The following RAB3C variants were observed in gnomAD, a reference collection of about 807,000 sequenced individuals.
The protein encoded by RAB3C is ras-related protein Rab-3C.
RAB3C carries 17 observed loss-of-function variants against 26.4 expected under a neutral mutation model. The observed-to-expected ratio is 0.64, with a 90% confidence interval of 0.44 to 0.97. The LOEUF (loss-of-function observed/expected upper bound fraction) is 0.97, where lower values mean the gene tolerates loss of function less well. RAB3C is among the 50% of genes least tolerant of loss of function. The probability of loss-of-function intolerance (pLI) is 0.00; values close to 1 mark genes in which losing one functional copy is unlikely to be tolerated. For missense variants in RAB3C, 242 were observed against 281.9 expected, an observed-to-expected ratio of 0.86 and a Z score of 1.01; for synonymous variants, 91 against 95.9, an observed-to-expected ratio of 0.95 and a Z score of 0.30.
intron 3 of RAB3C, among the ~76,000 whole-genome samples, chr5:58,798,330 A>G (rs909360069): frequency 6.6e-6 from 1 of 152,188 alleles, no homozygotes; most frequent in Non-Finnish European, 1.5e-5. Context: ...TTTACAATAG[A>G]AAAATCTAGC....
intron 2 of RAB3C, among the ~76,000 whole-genome samples, chr5:58,700,100 G>A (rs770155155): frequency 7.2e-5 from 11 of 152,120 alleles, no homozygotes; most frequent in East Asian, 1.9e-4. Flanking sequence ...ATCTTGGAAC[G>A]CCCCCAATCT....
chr5:58,685,630 G>T (rs192605523), intron 2 of RAB3C, among the ~76,000 whole-genome samples: 9 of 152,216 alleles, frequency 5.9e-5, no homozygotes, highest in Admixed American at 2.0e-4. Context: ...TTCTCTGAGA[G>T]AACTGGCTCA....
intron 2 of RAB3C, among the ~76,000 whole-genome samples, chr5:58,723,707 G>A (rs145737237): frequency 3.2e-4 from 48 of 151,852 alleles, no homozygotes; most frequent in African/African-American, 1.0e-3. Flanking sequence ...ATGGTAAAGG[G>A]AGCTGTTTCT....
chr5:58,801,489 A>T (rs540840597), intron 3 of RAB3C, among the ~76,000 whole-genome samples: 128 of 152,318 alleles, frequency 8.4e-4, no homozygotes, highest in African/African-American at 3.0e-3. Context: ...CCAGCCAATC[A>T]CTAAAGACTA....
intron 2 of RAB3C, among the ~76,000 whole-genome samples, chr5:58,697,646 C>T (rs1025153629): frequency 6.6e-6 from 1 of 152,180 alleles, no homozygotes; most frequent in Non-Finnish European, 1.5e-5. Flanking sequence ...GTTAGCTCTT[C>T]TTGTTGAATT....
At chr5:58,651,276 G>T (rs1456868691) in intron 2 of RAB3C, among the ~76,000 whole-genome samples, 1 of 152,134 alleles carries the variant, frequency 6.6e-6, no homozygotes. Context: ...GACTGACACT[G>T]AGTGTATTTT....
intron 3 of RAB3C, among the ~76,000 whole-genome samples, chr5:58,759,347 T>A (rs909727837): frequency 1.3e-5 from 2 of 152,120 alleles, no homozygotes; most frequent in Non-Finnish European, 2.9e-5. Context: ...CCCAAGCTGT[T>A]CCCTGCATCC....
At chr5:58,758,856 C>G (rs1183929209) in intron 3 of RAB3C, among the ~76,000 whole-genome samples, 1 of 145,226 alleles carries the variant, frequency 6.9e-6, no homozygotes, top group Non-Finnish European at 1.5e-5. Context: ...GTTCCTTGGA[C>G]TTTTTTTTTT....
At chr5:58,620,167 A>G (rs1746906204) in intron 2 of RAB3C, among the ~76,000 whole-genome samples, 2 of 151,844 alleles carry the variant, frequency 1.3e-5, no homozygotes, top group Admixed American at 1.3e-4. Context: ...GGATGCCCAC[A>G]CTCCCATCAG....
rs1744277326 is a variant in RAB3C, at chr5:58,857,093, T to G, written c.*5742T>G. Reference sequence around the variant, plus strand: ...TCAGAATTGAGGGTTCATGGGCCAATAAGTGCAATATTTAATGACTCACTC... The same window carrying G: ...TCAGAATTGAGGGTTCATGGGCCAAGAAGTGCAATATTTAATGACTCACTC... On this transcript the variant is annotated 3_prime_UTR_variant, in exon 5 of 5. Coordinates refer to ENST00000282878, the MANE Select transcript of RAB3C (RefSeq NM_138453.4). The G allele has an allele frequency of 2.0e-5, 3 of 152,206 alleles. No homozygotes were observed. The South Asian group carries it at 6.2e-4, about 31-fold the overall frequency. The allele number at this position is 152,206 out of a possible 1,614,324, so 9.4% of individuals were successfully genotyped here. A position where few individuals can be genotyped will look rare whatever the true frequency, so the allele number is the denominator to read the frequency against.
At chr5:58,779,941 T>A (rs1438166294) in intron 3 of RAB3C, among the ~76,000 whole-genome samples, 1 of 152,074 alleles carries the variant, frequency 6.6e-6, no homozygotes, top group African/African-American at 2.4e-5. Flanking sequence ...GAGGCTCACC[T>A]GGGAGCATTT....
At chr5:58,771,739 G>T (rs1400789625) in intron 3 of RAB3C, among the ~76,000 whole-genome samples, 1 of 151,968 alleles carries the variant, frequency 6.6e-6, no homozygotes, top group Non-Finnish European at 1.5e-5. Context: ...GATCTAGACT[G>T]TTGTGAATGT....
chr5:58,754,996 T>C lies in RAB3C; in HGVS notation c.371+28876T>C, dbSNP rs904327974. 2.6e-5 allele frequency among the ~76,000 whole-genome samples: 4 copies of C among 152,204 alleles called. No homozygotes were observed. In the South Asian group the frequency reaches 6.2e-4, roughly 24 times the overall value. ...CAAACAAGTGAAAAAAAAAATCACA[T>C]TGGCTTTAAGATGCTAAATTTAAGA... On this transcript the variant is annotated intron_variant, in intron 3 of 4. Coordinates refer to ENST00000282878, the MANE Select transcript of RAB3C (RefSeq NM_138453.4).
chr5:58,744,451 C>G (rs181877916), intron 3 of RAB3C, among the ~76,000 whole-genome samples: 1 of 152,176 alleles, frequency 6.6e-6, no homozygotes, highest in African/African-American at 2.4e-5. Flanking sequence ...TCACACGATT[C>G]ATCGGCAGTG....
At chr5:58,747,952 C>T (rs1024370738) in intron 3 of RAB3C, among the ~76,000 whole-genome samples, 8 of 151,860 alleles carry the variant, frequency 5.3e-5, no homozygotes, top group African/African-American at 1.9e-4. Context: ...CATTTAGAGT[C>T]GTCTTTGGGG....
At chr5:58,738,105 CT>C (rs367992737) in intron 3 of RAB3C, among the ~76,000 whole-genome samples, 5 of 152,254 alleles carry the variant, frequency 3.3e-5, no homozygotes, top group African/African-American at 1.2e-4. Context: ...TGGGAAATGT[CT>C]GCTCATTTCT....
chr5:58,845,594 C>CTATATATATA (rs147626783), intron 4 of RAB3C, among the ~76,000 whole-genome samples: 7 of 74,600 alleles, frequency 9.4e-5, no homozygotes, highest in Admixed American at 2.7e-4. Context: ...GTGATTCTTA[C>CTATATATATA]TATATATATA....
intron 3 of RAB3C, among the ~76,000 whole-genome samples, chr5:58,752,247 A>C (rs1380682187): frequency 6.6e-6 from 1 of 152,280 alleles, no homozygotes; most frequent in East Asian, 1.9e-4. Flanking sequence ...CCTAATTCAC[A>C]AAATACTACT....
chr5:58,785,915 C>A (rs1196542046), intron 3 of RAB3C, among the ~76,000 whole-genome samples: 1 of 152,190 alleles, frequency 6.6e-6, no homozygotes, highest in Non-Finnish European at 1.5e-5. Context: ...CCATTGCTGG[C>A]TTTGAAGATA....
Sources: allele counts gnomAD v4.1 joint callset (sites outside exome capture counted in the v4.1 genomes callset), GRCh38; gene constraint gnomAD v4.1.1; transcripts MANE v1.5; gene names NCBI Gene and HGNC (gene_info 2026-07-23, HGNC 2026-07-21).